Variants in CHPT1 observed in about 807,000 individuals in gnomAD.
CHPT1 encodes cholinephosphotransferase 1.
CHPT1 carries 36 observed loss-of-function variants against 47.6 expected under a neutral mutation model. The ratio of observed to expected loss-of-function variants is 0.76; its 90% confidence interval spans 0.58 to 1.00. The LOEUF is 1.00. CHPT1 is among the 50% of genes least tolerant of loss of function. The probability of loss-of-function intolerance (pLI) is 0.00; values close to 1 mark genes in which losing one functional copy is unlikely to be tolerated. For missense variants in CHPT1, 458 were observed against 498.1 expected (o/e 0.92, Z 0.77); for synonymous variants, 194 against 186.3 (o/e 1.04, Z -0.33).
At chr12:101,699,200 G>A (rs1951513773) in intron 1 of CHPT1, among the ~76,000 whole-genome samples, 1 of 151,846 alleles carries the variant, frequency 6.6e-6, no homozygotes, top group South Asian at 2.1e-4. Flanking sequence ...CGATTCTTCT[G>A]CCTCAGCCTT....
chr12:101,723,763 T>G lies in CHPT1; in HGVS notation c.981T>G (p.Thr327=), dbSNP rs561553917. The G allele has an allele frequency of 6.3e-7, 1 of 1,594,206 alleles. No individual in the cohort carries two copies. The highest frequency in any genetic ancestry group is 1.1e-5 in the South Asian group (1 of 89,224). Residue 327 remains threonine, a synonymous_variant, in exon 7 of 9, where the codon ACT becomes ACG. Coordinates refer to ENST00000229266, the MANE Select transcript of CHPT1 (RefSeq NM_020244.3). The part of the protein sequence containing the change: ...MTKSELYLQD[T]VFLGPGLLFL... ...AAAGTGAACTATATCTTCAAGACACTGTCTTTTTGGGGCCAGGTCTTTTGT... is the reference window on the plus strand; with the variant it reads ...AAAGTGAACTATATCTTCAAGACACGGTCTTTTTGGGGCCAGGTCTTTTGT...
chr12:101,711,097 G>T (rs1476117552), intron 1 of CHPT1, among the ~76,000 whole-genome samples: 1 of 148,256 alleles, frequency 6.7e-6, no homozygotes, highest in South Asian at 2.2e-4. Flanking sequence ...TAGGCCAAAA[G>T]AATGAAATTG....
intron 1 of CHPT1, among the ~76,000 whole-genome samples, chr12:101,700,626 T>A (rs775164381): frequency 3.3e-5 from 5 of 152,184 alleles, no homozygotes; most frequent in African/African-American, 7.2e-5. Flanking sequence ...AGATCTAAGT[T>A]GGTATGACTT....
intron 1 of CHPT1, among the ~76,000 whole-genome samples, chr12:101,705,793 T>A (rs1197958928): frequency 2.8e-5 from 4 of 142,688 alleles, no homozygotes; most frequent in African/African-American, 1.1e-4. Flanking sequence ...AGGGTCTCAC[T>A]TGGCTCACTG....
intron 1 of CHPT1, among the ~76,000 whole-genome samples, chr12:101,703,042 T>C (rs2136999452): frequency 6.6e-6 from 1 of 152,328 alleles, no homozygotes; most frequent in African/African-American, 2.4e-5. Flanking sequence ...TCCTAACGAA[T>C]AAAACTGTTT....
At chr12:101,722,799 T>C (rs1951874860) in intron 5 of CHPT1, among the ~76,000 whole-genome samples, 1 of 152,128 alleles carries the variant, frequency 6.6e-6, no homozygotes, top group African/African-American at 2.4e-5. Context: ...TGATATTTTG[T>C]AGAATTGGCA....
In CHPT1 at chr12:101,726,360, C is replaced by T; in HGVS notation, c.1132C>T (p.His378Tyr). 6.2e-7 allele frequency: 1 copy of T among 1,613,164 alleles called. No individual in the cohort carries two copies. Among genetic ancestry groups the T allele is most frequent in the South Asian group, 1.1e-5 (1 of 91,046 alleles). Residue 378 changes from histidine (H) to tyrosine (Y), a missense_variant, in exon 8 of 9, where the codon CAT (histidine) becomes TAT (tyrosine). By Grantham distance (83) the His-to-Tyr change is moderately conservative. Transcript: ENST00000229266. ...GTGCCTGCAAATTTCAAGACACCTT[C>T]ATCTAAATATATTCAAGACTGCATG... ...ALCLQISRHLHLNIFKTACHQ... is the reference protein window; with the variant it reads ...ALCLQISRHLYLNIFKTACHQ...
intron 8 of CHPT1, chr12:101,728,261 A>T (rs1394664868): frequency 6.6e-6 from 1 of 152,240 alleles, no homozygotes; most frequent in African/African-American, 2.4e-5. Flanking sequence ...AAAAATAAAT[A>T]AACGCAGATG....
chr12:101,699,105 CAG>C (rs753642696), intron 1 of CHPT1, among the ~76,000 whole-genome samples: 5 of 152,164 alleles, frequency 3.3e-5, no homozygotes, highest in Non-Finnish European at 7.3e-5. Context: ...GTTTTTGAGA[CAG>C]GGGTTTACTC....
intron 3 of CHPT1, among the ~76,000 whole-genome samples, chr12:101,715,446 C>A (rs931281187): frequency 3.9e-5 from 6 of 152,150 alleles, no homozygotes; most frequent in Non-Finnish European, 5.9e-5. Flanking sequence ...AGGCTTCAGG[C>A]AGTTGATTCT....
intron 4 of CHPT1, among the ~76,000 whole-genome samples, chr12:101,717,697 A>G (rs748540950): frequency 6.6e-6 from 1 of 152,206 alleles, no homozygotes. Context: ...ACTAAGCTAT[A>G]TATCTAGTAA....
rs145571558 is a variant in CHPT1 at position 101,723,218 on chromosome 12, G to A, written c.831G>A (p.Leu277=). 12 of 1,611,630 alleles carry A rather than the reference G, an allele frequency of 7.4e-6. No individual in the cohort carries two copies. The African/African-American group carries it at 1.5e-4, about 20-fold the overall frequency. The change falls in exon 6 of 9, where the codon CTG becomes CTA. Residue 277 remains leucine, a synonymous_variant. Coordinates refer to ENST00000229266, the MANE Select transcript of CHPT1 (RefSeq NM_020244.3). Reference sequence around the variant, plus strand: ...TCCACATAGGACTAATTATTATACTGGCAATAATGATCTATAAAAAGTCAG... The same window carrying A: ...TCCACATAGGACTAATTATTATACTAGCAATAATGATCTATAAAAAGTCAG... ...PGLHIGLIII[L]AIMIYKKSAT...
chr12:101,698,894 T>G (rs556168043), intron 1 of CHPT1, among the ~76,000 whole-genome samples: 1 of 152,338 alleles, frequency 6.6e-6, no homozygotes, highest in African/African-American at 2.4e-5. Context: ...TTCACTCCCA[T>G]CTATAGTTTA....
Position 101,723,710 on chromosome 12 carries a change from A to AT in CHPT1, c.940-5dup. On this transcript the variant is annotated splice_polypyrimidine_tract_variant and intron_variant, in intron 6 of 8. Transcript: ENST00000229266. ...CTTAATAGTAAAATTATTTTGTTTA[A>AT]TTTTTTTATAGGTAGCTCACATGAC... 1.4e-6 allele frequency: 2 copies of AT among 1,461,294 alleles called. No individual in the cohort carries two copies. The highest frequency in any genetic ancestry group is 1.3e-5 in the South Asian group (1 of 77,666). 90.5% of individuals were successfully genotyped at this position (1,461,294 alleles called of 1,614,324 possible).
intron 1 of CHPT1, among the ~76,000 whole-genome samples, chr12:101,704,592 G>T (rs1951604929): frequency 6.8e-6 from 1 of 147,210 alleles, no homozygotes; most frequent in African/African-American, 2.5e-5. Flanking sequence ...GTAGAGATGG[G>T]GTTTCACTAT....
At chr12:101,714,670 A>C (rs1162767778) in intron 3 of CHPT1, 25 bp downstream of exon 3, 2 of 1,580,204 alleles carry the variant, frequency 1.3e-6, no homozygotes, top group Non-Finnish European at 1.7e-6. Context: ...TAAGTTGTAC[A>C]TTAAAAAATA....
In CHPT1 at chr12:101,711,703, T is replaced by G. The variant is rs570403155; in HGVS notation, c.274-2387T>G. On this transcript the variant is annotated intron_variant, in intron 1 of 8. Transcript: ENST00000229266. ...AAAAACAAAAAAATGGGTAACTATG[T>G]GAGATGATGGATATGTTAATTTGCT... is the stretch of plus-strand genomic sequence containing the variant. Among the ~76,000 whole-genome samples, 20 of 148,968 alleles carry G rather than the reference T, an allele frequency of 1.3e-4. 4 individuals carry two copies. Among genetic ancestry groups the G allele is most frequent in the Admixed American group, 6.8e-4 (10 of 14,634 alleles).
Position 101,726,321 on chromosome 12 carries a change from T to C in CHPT1, c.1093T>C (p.Tyr365His), listed in dbSNP as rs200524746. The change falls in exon 8 of 9, where the codon TAC becomes CAC. Residue 365 changes from tyrosine (Y) to histidine (H), a missense_variant. By Grantham distance (83) the Tyr-to-His change is moderately conservative (BLOSUM62 2). Coordinates refer to ENST00000229266, the MANE Select transcript of CHPT1 (RefSeq NM_020244.3). The stretch of plus-strand genomic sequence containing the variant: ...GATTTCTTCATTTGATATGGTGATA[T>C]ACTTTAGTGCTTTGTGCCTGCAAAT... ...MVISSFDMVI[Y>H]FSALCLQISR... The C allele has an allele frequency of 5.2e-5, 83 of 1,611,488 alleles. No homozygotes were observed. In the African/African-American group the frequency reaches 1.0e-3, roughly 19 times the overall value.
intron 3 of CHPT1, 67 bp downstream of exon 3, chr12:101,714,712 C>T (rs2137015759): frequency 6.8e-7 from 1 of 1,465,814 alleles, no homozygotes. Flanking sequence ...TCTGTTATGT[C>T]ATTCATCGAT....
Sources: gnomAD v4.1 joint callset for allele counts (sites outside exome capture counted in the v4.1 genomes callset) on GRCh38, gnomAD v4.1.1 for gene constraint, MANE v1.5 for transcripts, NCBI Gene and HGNC (gene_info 2026-07-23, HGNC 2026-07-21) for gene names.